STPG2: variants seen among roughly 807,000 people sequenced by gnomAD.
STPG2 encodes sperm-tail PG-rich repeat-containing protein 2.
A neutral mutation model predicts 54.2 loss-of-function variants in STPG2; 56 were observed. The observed-to-expected ratio is 1.03, with a 90% CI of 0.83 to 1.29. The LOEUF (loss-of-function observed/expected upper bound fraction) is 1.29. Among genes scored for constraint, STPG2 ranks in the 50% most tolerant of loss-of-function variants. The pLI, the probability that STPG2 is intolerant of heterozygous loss-of-function variation, is 0.00. For synonymous variants in STPG2, 200 were observed against 181.8 expected (o/e 1.10, Z -0.81); for missense variants, 596 against 544.9 (o/e 1.09, Z -0.93).
At chr4:97,591,906 T>C (rs955936747) in intron 10 of STPG2, among the ~76,000 whole-genome samples, 11 of 152,308 alleles carry the variant, frequency 7.2e-5, no homozygotes, top group Middle Eastern at 3.4e-3. Flanking sequence ...ATGTTCTTTT[T>C]ATGAATTCCC....
chr4:97,655,631 T>G (rs1418127557), intron 10 of STPG2, among the ~76,000 whole-genome samples: 1 of 152,048 alleles, frequency 6.6e-6, no homozygotes, highest in Admixed American at 6.6e-5. Context: ...ATTTTAATAA[T>G]GCCTACAGCA....
intron 8 of STPG2, among the ~76,000 whole-genome samples, chr4:97,866,348 T>C (rs1028401043): frequency 2.0e-5 from 3 of 152,016 alleles, no homozygotes; most frequent in Non-Finnish European, 4.4e-5. Context: ...TGTATCAAAG[T>C]ATCTCATATA....
intron 10 of STPG2, among the ~76,000 whole-genome samples, chr4:97,563,785 T>C (rs1732333423): frequency 6.6e-6 from 1 of 152,222 alleles, no homozygotes; most frequent in Admixed American, 6.5e-5. Context: ...CTGGTTTGAT[T>C]GCACTGTGGT....
At chr4:98,043,835 T>C in intron 5 of STPG2, among the ~76,000 whole-genome samples, 1 of 152,092 alleles carries the variant, frequency 6.6e-6, no homozygotes, top group East Asian at 1.9e-4. Context: ...ACTCATGTCA[T>C]GGGAGTATGT....
intron 8 of STPG2, among the ~76,000 whole-genome samples, chr4:97,876,248 T>C (rs1240406851): frequency 6.6e-6 from 1 of 152,110 alleles, no homozygotes; most frequent in African/African-American, 2.4e-5. Context: ...ACAGATGTAA[T>C]CGTGTATTTA....
At chr4:98,074,788 A>G (rs1435742778) in intron 5 of STPG2, among the ~76,000 whole-genome samples, 1 of 152,190 alleles carries the variant, frequency 6.6e-6, no homozygotes, top group Non-Finnish European at 1.5e-5. Flanking sequence ...TGATGTTTTT[A>G]TAAACTCAGT....
chr4:97,629,091 A>C (rs1021404068), intron 10 of STPG2, among the ~76,000 whole-genome samples: 8 of 152,004 alleles, frequency 5.3e-5, no homozygotes, highest in African/African-American at 1.7e-4. Context: ...TAACTACCTT[A>C]AATAAGTTTT....
At chr4:97,756,005 T>C (rs1725721362) in intron 9 of STPG2, among the ~76,000 whole-genome samples, 1 of 152,170 alleles carries the variant, frequency 6.6e-6, no homozygotes, top group Non-Finnish European at 1.5e-5. Flanking sequence ...ATGCTTCCGA[T>C]TGGACCAATC....
chr4:97,694,644 T>TA (rs200974894), intron 10 of STPG2, among the ~76,000 whole-genome samples: 81 of 145,716 alleles, frequency 5.6e-4, no homozygotes, highest in Admixed American at 9.6e-4. Context: ...CCGTCTCTAT[T>TA]AAAAAAAAAA....
intron 9 of STPG2, among the ~76,000 whole-genome samples, chr4:97,747,512 C>T (rs1229484285): frequency 1.3e-5 from 2 of 151,326 alleles, no homozygotes; most frequent in African/African-American, 4.8e-5. Flanking sequence ...TTTACTTGAA[C>T]TTTTTACAAA....
At chr4:97,893,700 T>C (rs1730852641) in intron 8 of STPG2, among the ~76,000 whole-genome samples, 1 of 152,088 alleles carries the variant, frequency 6.6e-6, no homozygotes, top group Non-Finnish European at 1.5e-5. Flanking sequence ...AGTTAGGAAG[T>C]AAATTAAATT....
In STPG2 at chr4:97,728,613, T is replaced by C. The variant is rs188686863; in HGVS notation, c.1205-15799A>G. ...GGATCCAACCTTGGTGAAAGCCTTA[T>C]TTGGCCCAGAAAGAGAGTCACTTTC... On this transcript the variant is annotated intron_variant, in intron 9 of 10. Coordinates refer to ENST00000295268, the MANE Select transcript of STPG2 (RefSeq NM_174952.3). Among the ~76,000 whole-genome samples, 17 of 152,088 alleles carry C rather than the reference T, an allele frequency of 1.1e-4. No homozygotes were observed. In the East Asian group the frequency reaches 2.3e-3, roughly 21 times the overall value.
At chr4:97,511,623 A>G (rs565569249) in intron 4 of STPG2, among the ~76,000 whole-genome samples, 3 of 152,228 alleles carry the variant, frequency 2.0e-5, no homozygotes, top group Non-Finnish European at 4.4e-5. Flanking sequence ...ACTTTATTTA[A>G]TTGGTATATA....
intron 9 of STPG2, among the ~76,000 whole-genome samples, chr4:97,830,891 C>T (rs1454268022): frequency 6.6e-6 from 1 of 152,116 alleles, no homozygotes; most frequent in Non-Finnish European, 1.5e-5. Context: ...TAGAGACCTA[C>T]AAAGAGACTT....
chr4:98,059,635 T>A (rs1197577770), intron 5 of STPG2, among the ~76,000 whole-genome samples: 13 of 84,480 alleles, frequency 1.5e-4, no homozygotes, highest in Admixed American at 8.8e-4. Context: ...TTGATGAATA[T>A]CAATGCAAAA....
At chr4:98,023,982 C>T (rs1309899980) in intron 5 of STPG2, among the ~76,000 whole-genome samples, 2 of 152,270 alleles carry the variant, frequency 1.3e-5, no homozygotes, top group Non-Finnish European at 2.9e-5. Flanking sequence ...TTGTGCTTCC[C>T]GAGTGAGGCA....
At chr4:97,640,284 C>T (rs1013248784) in intron 10 of STPG2, among the ~76,000 whole-genome samples, 6 of 151,952 alleles carry the variant, frequency 3.9e-5, no homozygotes, top group African/African-American at 1.4e-4. Flanking sequence ...ATAAATAAGT[C>T]TGTAATTGCA....
intron 1 of STPG2, 134 bp from the exon 2 acceptor site, chr4:98,134,593 A>C: frequency 2.8e-6 from 1 of 363,504 alleles, no homozygotes; most frequent in African/African-American, 2.1e-5. Flanking sequence ...CTAGTCAGAG[A>C]AGTTATTACA....
chr4:98,028,652 G>T (rs1423747229), intron 5 of STPG2, among the ~76,000 whole-genome samples: 1 of 152,112 alleles, frequency 6.6e-6, no homozygotes, highest in Non-Finnish European at 1.5e-5. Flanking sequence ...TCATTTAATA[G>T]TTCCTTGTTT....
Sources: allele counts gnomAD v4.1 joint callset (sites outside exome capture counted in the v4.1 genomes callset), GRCh38; gene constraint gnomAD v4.1.1; transcripts MANE v1.5; gene names NCBI Gene and HGNC (gene_info 2026-07-23, HGNC 2026-07-21).